ANO4: variants seen among roughly 807,000 people sequenced by gnomAD.
ANO4 encodes anoctamin 4.
In ANO4, 69 loss-of-function variants were observed where a neutral mutation model predicts 141.9. The ratio of observed to expected loss-of-function variants is 0.49; its 90% CI spans 0.40 to 0.59. ANO4 has a LOEUF of 0.59. Among genes scored for constraint, ANO4 ranks in the 20% least tolerant of loss-of-function variants. The pLI is 0.00. For synonymous variants in ANO4, 350 were observed against 394.3 expected (o/e 0.89, Z 1.33); for missense variants, 894 against 1,162.2 (o/e 0.77, Z 3.36).
intron 14 of ANO4, among the ~76,000 whole-genome samples, chr12:101,048,977 T>C (rs2136661506): frequency 6.6e-6 from 1 of 152,348 alleles, no homozygotes; most frequent in East Asian, 1.9e-4. Flanking sequence ...TGGCAAGTTA[T>C]TTAACCTACC....
intron 7 of ANO4, among the ~76,000 whole-genome samples, chr12:100,983,184 T>C (rs1314493249): frequency 6.6e-6 from 1 of 152,168 alleles, no homozygotes; most frequent in Non-Finnish European, 1.5e-5. Flanking sequence ...TAGACTCTTG[T>C]TCCCAGAGCC....
rs1476324270 is a variant in ANO4 at position 101,086,904 on chromosome 12, A to T, written c.1701+80A>T. On this transcript the variant is annotated intron_variant, in intron 17 of 27. Transcript: ENST00000392977. ...ACAGTTTTCTTCTGTTGCTAAGGGG[A>T]TCTGGCCTCAGAGAGGTGGGCCATT... The T allele has an allele frequency of 2.0e-6, 3 of 1,511,618 alleles. No homozygotes were observed. The Admixed American group carries it at 5.6e-5, about 28-fold the overall frequency. 93.6% of individuals were successfully genotyped at this position (1,511,618 alleles called of 1,614,324 possible).
intron 26 of ANO4, among the ~76,000 whole-genome samples, chr12:101,124,469 T>C (rs1212855229): frequency 6.6e-6 from 1 of 152,212 alleles, no homozygotes; most frequent in Non-Finnish European, 1.5e-5. Flanking sequence ...AGTACTTTCA[T>C]TTAATTAGAT....
intron 8 of ANO4, among the ~76,000 whole-genome samples, chr12:101,004,418 T>G (rs1376732601): frequency 1.3e-5 from 2 of 152,050 alleles, no homozygotes; most frequent in Admixed American, 6.6e-5. Flanking sequence ...AGCTGGAAAC[T>G]GGAACCAGCT....
intron 4 of ANO4, among the ~76,000 whole-genome samples, chr12:100,941,243 A>C (rs2042498012): frequency 2.6e-5 from 4 of 151,990 alleles, no homozygotes; most frequent in African/African-American, 4.8e-5. Flanking sequence ...ACACTGAACT[A>C]GAATATTCCT....
intron 8 of ANO4, among the ~76,000 whole-genome samples, chr12:100,993,436 T>A (rs114804473): frequency 0.017 from 2,658 of 152,122 alleles, 65 homozygotes; most frequent in African/African-American, 0.061. Context: ...AATTTACGGA[T>A]GAGGAAAGTG....
chr12:101,095,653 A>C (rs562138542), intron 18 of ANO4, among the ~76,000 whole-genome samples: 1 of 152,356 alleles, frequency 6.6e-6, no homozygotes, highest in East Asian at 1.9e-4. Context: ...AATTTGTGGA[A>C]ATGAATTGAT....
rs1478029650 is a variant in ANO4, at chr12:100,970,665, CCTT to C, written c.457-639_457-637del. Among the ~76,000 whole-genome samples, 36 of 25,606 alleles carry C rather than the reference CCTT, an allele frequency of 1.4e-3. No homozygotes were observed. The African/African-American group carries it at 0.017, about 12-fold the overall frequency. The allele number at this position is 25,606 out of a possible 152,430, so 16.8% of individuals were successfully genotyped here. On this transcript the variant is annotated intron_variant, in intron 5 of 27. Coordinates refer to ENST00000392977, the MANE Select transcript of ANO4 (RefSeq NM_001286615.2). ...CCTTCCTCCCTCCCTCCCTCCCTCTCCTTCCTTCCTTCCTTCCTTCCTTCCTTC... is the reference window on the plus strand; with the variant it reads ...CCTTCCTCCCTCCCTCCCTCCCTCTCCCTTCCTTCCTTCCTTCCTTCCTTC...
intron 8 of ANO4, among the ~76,000 whole-genome samples, chr12:101,014,425 G>A (rs753969598): frequency 1.2e-4 from 19 of 152,168 alleles, no homozygotes; most frequent in Non-Finnish European, 2.4e-4. Context: ...GAGCCTAGAG[G>A]AGAGTCAGTG....
At chr12:100,751,877 A>G (rs2032398737) in intron 3 of ANO4, among the ~76,000 whole-genome samples, 1 of 152,162 alleles carries the variant, frequency 6.6e-6, no homozygotes, top group African/African-American at 2.4e-5. Flanking sequence ...AAGACTGAGG[A>G]TGTGGTAGTA....
At position 100,850,316 on chromosome 12, in the gene ANO4, C is replaced by A. The variant is rs541062703; in HGVS notation, c.-140-51330C>A. 3.3e-4 allele frequency among the ~76,000 whole-genome samples: 51 copies of A among 152,278 alleles called. 1 individual carries two copies. Among genetic ancestry groups the A allele is most frequent in the African/African-American group, 1.2e-3 (48 of 41,560 alleles). ...AAAGAAGGTCTAGGAGGACATGGTT[C>A]TTCCTTGTACACCTACTGGTCATGC... On this transcript the variant is annotated intron_variant, in intron 1 of 27. Transcript: ENST00000392977.
In ANO4 at chr12:100,901,664, A is replaced by G. The variant is rs2136028865; in HGVS notation, c.-122A>G. ...ATTCCAGGTTTAAGTTTATCTATTC[A>G]TGGGGCTGAAAAGCGTTTGCAAATC... On this transcript the variant is annotated 5_prime_UTR_variant, in exon 2 of 28. An upstream start codon of the reference 5' UTR is lost. Coordinates refer to ENST00000392977, the MANE Select transcript of ANO4 (RefSeq NM_001286615.2). 1 of 856,368 alleles carries G rather than the reference A, an allele frequency of 1.2e-6. No homozygotes were observed. The highest frequency in any genetic ancestry group is 2.0e-6 in the Non-Finnish European group (1 of 488,882). The allele number at this position is 856,368 out of a possible 1,614,324, so 53.0% of individuals were successfully genotyped here.
intron 17 of ANO4, among the ~76,000 whole-genome samples, chr12:101,089,372 G>A (rs2049651462): frequency 6.6e-6 from 1 of 151,952 alleles, no homozygotes; most frequent in South Asian, 2.1e-4. Context: ...AAAAAAAAGG[G>A]CAGTTGCTGA....
chr12:101,092,884 T>C (rs900201570), intron 17 of ANO4, among the ~76,000 whole-genome samples: 1 of 152,286 alleles, frequency 6.6e-6, no homozygotes. Context: ...AATTGTATTT[T>C]TGAGAAAGGT....
chr12:100,829,613 T>C (rs1184959926), intron 1 of ANO4, among the ~76,000 whole-genome samples: 1 of 152,106 alleles, frequency 6.6e-6, no homozygotes, highest in Non-Finnish European at 1.5e-5. Flanking sequence ...TTTTGCTTTA[T>C]GAATAAGATA....
chr12:100,996,803 C>T (rs903852379), intron 8 of ANO4, among the ~76,000 whole-genome samples: 3 of 152,184 alleles, frequency 2.0e-5, no homozygotes, highest in Non-Finnish European at 4.4e-5. Flanking sequence ...TTTGACTGTT[C>T]TCAGCAGAAA....
At chr12:100,835,100 G>A (rs1275572034) in intron 1 of ANO4, among the ~76,000 whole-genome samples, 1 of 152,118 alleles carries the variant, frequency 6.6e-6, no homozygotes, top group Non-Finnish European at 1.5e-5. Flanking sequence ...GTGAAAGGAC[G>A]TACTTCAGTA....
intron 6 of ANO4, among the ~76,000 whole-genome samples, chr12:100,973,373 A>G (rs2044014458): frequency 1.3e-5 from 2 of 152,350 alleles, no homozygotes; most frequent in Admixed American, 6.5e-5. Flanking sequence ...ACCTGTATTC[A>G]TAATTTTCTG....
intron 1 of ANO4, among the ~76,000 whole-genome samples, chr12:100,846,656 A>G (rs957156898): frequency 3.3e-5 from 5 of 152,158 alleles, no homozygotes; most frequent in Non-Finnish European, 7.3e-5. Flanking sequence ...AAATTGGGAC[A>G]AAAGTACTCA....
Sources: gnomAD v4.1 joint callset for allele counts (sites outside exome capture counted in the v4.1 genomes callset) on GRCh38, gnomAD v4.1.1 for gene constraint, MANE v1.5 for transcripts, NCBI Gene and HGNC (gene_info 2026-07-23, HGNC 2026-07-21) for gene names.